ZCCHC14: variants seen among roughly 807,000 people sequenced by gnomAD.
ZCCHC14 encodes zinc finger CCHC-type containing 14, also known as zinc finger CCHC domain-containing protein 14.
Under a neutral mutation model 85.0 loss-of-function variants are expected in ZCCHC14, and 16 were observed. The observed-to-expected ratio is 0.19, with a 90% confidence interval of 0.13 to 0.29. ZCCHC14 has a LOEUF of 0.29. Among genes scored for constraint, ZCCHC14 ranks in the 10% least tolerant of loss-of-function variants. ZCCHC14 has a pLI of 1.00. For missense variants in ZCCHC14, 1,303 were observed against 1,443.5 expected, an observed-to-expected ratio of 0.90 and a Z score of 1.58; for synonymous variants, 775 against 630.7, an observed-to-expected ratio of 1.23 and a Z score of -3.43.
chr16:87,426,330 T>C (rs942828778), intron 3 of ZCCHC14, among the ~76,000 whole-genome samples: 2 of 152,176 alleles, frequency 1.3e-5, no homozygotes, highest in Non-Finnish European at 2.9e-5. Context: ...CTCACAAGCA[T>C]CCACAACCAG....
chr16:87,486,607 C>T (rs1009837147), intron 1 of ZCCHC14, among the ~76,000 whole-genome samples: 1 of 152,182 alleles, frequency 6.6e-6, no homozygotes, highest in Non-Finnish European at 1.5e-5. Flanking sequence ...GTATCATGTA[C>T]TGTACTTTAC....
chr16:87,417,121 C>G (rs564630612), intron 8 of ZCCHC14, among the ~76,000 whole-genome samples: 1 of 152,322 alleles, frequency 6.6e-6, no homozygotes, highest in Non-Finnish European at 1.5e-5. Context: ...GCGCCAGCTA[C>G]GCCGAGAAAT....
At chr16:87,476,797 G>A (rs553368808) in intron 1 of ZCCHC14, among the ~76,000 whole-genome samples, 9 of 151,926 alleles carry the variant, frequency 5.9e-5, no homozygotes, top group East Asian at 3.9e-4. Flanking sequence ...CGGTCATACC[G>A]CACAAACCCG....
At chr16:87,481,957 G>A (rs979698313) in intron 1 of ZCCHC14, among the ~76,000 whole-genome samples, 6 of 152,196 alleles carry the variant, frequency 3.9e-5, no homozygotes, top group African/African-American at 1.4e-4. Context: ...GAAGGCAGAA[G>A]GGGAAAGGGC....
At chr16:87,471,377 T>C (rs1213090718) in intron 1 of ZCCHC14, 1 of 152,202 alleles carries the variant, frequency 6.6e-6, no homozygotes, top group Non-Finnish European at 1.5e-5. Context: ...AAAAAAACAT[T>C]TTCCATGTAA....
At chr16:87,451,645 G>C (rs974789292) in intron 2 of ZCCHC14, among the ~76,000 whole-genome samples, 2 of 152,234 alleles carry the variant, frequency 1.3e-5, no homozygotes, top group African/African-American at 4.8e-5. Flanking sequence ...AAAATGAAAA[G>C]GTTCAAAGAA....
intron 2 of ZCCHC14, among the ~76,000 whole-genome samples, chr16:87,455,602 A>G (rs894979879): frequency 1.3e-5 from 2 of 152,080 alleles, no homozygotes; most frequent in African/African-American, 2.4e-5. Context: ...GAAAACCATC[A>G]CTCAAATGAT....
At chr16:87,418,782 G>A in intron 7 of ZCCHC14, 65 bp downstream of exon 7, 1 of 1,489,748 alleles carries the variant, frequency 6.7e-7, no homozygotes, top group South Asian at 1.2e-5. Flanking sequence ...ACTTTACACA[G>A]AACTCAAAGT....
chr16:87,485,638 C>A (rs1258582414), intron 1 of ZCCHC14, among the ~76,000 whole-genome samples: 2 of 151,322 alleles, frequency 1.3e-5, no homozygotes, highest in African/African-American at 4.9e-5. Flanking sequence ...AATCTAATCC[C>A]TCTAAGGTGG....
chr16:87,423,940 C>T (rs1341940005), intron 3 of ZCCHC14, 59 bp from the exon 4 acceptor site: 2 of 1,579,372 alleles, frequency 1.3e-6, no homozygotes, highest in Non-Finnish European at 1.7e-6. Context: ...TGGTTCCCAG[C>T]ACGTGTCCTG....
intron 2 of ZCCHC14, among the ~76,000 whole-genome samples, chr16:87,458,819 C>T (rs1384123488): frequency 6.6e-6 from 1 of 152,172 alleles, no homozygotes; most frequent in African/African-American, 2.4e-5. Context: ...GAATAGAGGC[C>T]AGCAGATGCG....
intron 3 of ZCCHC14, among the ~76,000 whole-genome samples, chr16:87,431,465 T>C (rs1283144437): frequency 1.6e-4 from 21 of 129,186 alleles, no homozygotes; most frequent in Non-Finnish European, 2.8e-4. Context: ...AGAGCAAGGC[T>C]CTGTCTGAAA....
chr16:87,486,633 T>C (rs1211040257), intron 1 of ZCCHC14, among the ~76,000 whole-genome samples: 5 of 152,194 alleles, frequency 3.3e-5, no homozygotes, highest in Non-Finnish European at 7.3e-5. Context: ...AACAGGACAG[T>C]GTTTTAGACC....
At chr16:87,474,001 A>G (rs8051279) in intron 1 of ZCCHC14, 49,180 of 152,050 alleles carry the variant, frequency 0.32, 11,964 homozygotes, top group African/African-American at 0.67. Context: ...TCTTACTGTC[A>G]GCCATGCAAC....
intron 1 of ZCCHC14, among the ~76,000 whole-genome samples, chr16:87,460,787 G>A (rs1478507560): frequency 6.6e-6 from 1 of 152,088 alleles, no homozygotes; most frequent in Non-Finnish European, 1.5e-5. Context: ...AAATCAAATA[G>A]CTCCCTATAA....
chr16:87,424,579 C>A (rs1014721580), intron 3 of ZCCHC14, among the ~76,000 whole-genome samples: 3 of 152,200 alleles, frequency 2.0e-5, no homozygotes, highest in African/African-American at 7.2e-5. Context: ...CATCTCCCCA[C>A]ATGCACGCTA....
chr16:87,471,330 T>C (rs1911764245), intron 1 of ZCCHC14: 1 of 152,236 alleles, frequency 6.6e-6, no homozygotes. Flanking sequence ...GTGAAAGCTA[T>C]TTGCTGACTT....
intron 3 of ZCCHC14, among the ~76,000 whole-genome samples, chr16:87,427,628 T>C (rs557758221): frequency 6.6e-6 from 1 of 152,218 alleles, no homozygotes; most frequent in South Asian, 2.1e-4. Flanking sequence ...TGTTTATTAG[T>C]ATTGTTTTAT....
intron 12 of ZCCHC14, among the ~76,000 whole-genome samples, chr16:87,410,973 G>A (rs530681548): frequency 6.6e-6 from 1 of 152,312 alleles, no homozygotes; most frequent in South Asian, 2.1e-4. Context: ...ACAGCAAGAA[G>A]AACCCTATTA....
Sources: gnomAD v4.1 joint callset for allele counts (sites outside exome capture counted in the v4.1 genomes callset) on GRCh38, gnomAD v4.1.1 for gene constraint, MANE v1.5 for transcripts, NCBI Gene and HGNC (gene_info 2026-07-23, HGNC 2026-07-21) for gene names.